AFAP1: variants seen among roughly 807,000 people sequenced by gnomAD.
AFAP1 encodes actin filament associated protein 1, also known as actin filament-associated protein 1.
AFAP1 carries 75 observed loss-of-function variants against 93.9 expected under a neutral mutation model. The ratio of observed to expected loss-of-function variants is 0.80; its 90% confidence interval spans 0.66 to 0.97. The LOEUF is 0.97. Ranked by LOEUF, AFAP1 falls within the 50% of genes least tolerant of loss-of-function variation. AFAP1 has a pLI of 0.00. For synonymous variants in AFAP1, 517 were observed against 430.7 expected (o/e 1.20, Z -2.48); for missense variants, 1,201 against 1,050.8 (o/e 1.14, Z -1.98).
intron 1 of AFAP1, among the ~76,000 whole-genome samples, chr4:7,883,564 C>G (rs1182980285): frequency 2.6e-5 from 4 of 152,052 alleles, no homozygotes; most frequent in Non-Finnish European, 5.9e-5. Context: ...AGAAAACAAT[C>G]AGAAACTTAA....
At chr4:7,782,828 T>C (rs1311304153) in intron 12 of AFAP1, among the ~76,000 whole-genome samples, 1 of 152,242 alleles carries the variant, frequency 6.6e-6, no homozygotes, top group Non-Finnish European at 1.5e-5. Flanking sequence ...CACTTCAATG[T>C]GTCTATTTTT....
At position 7,838,659 on chromosome 4, in the gene AFAP1, T is replaced by G. The variant is rs765843389; in HGVS notation, c.591A>C (p.Pro197=). The G allele has an allele frequency of 1.2e-6, 2 of 1,613,886 alleles. No individual in the cohort carries two copies. Among genetic ancestry groups the G allele is most frequent in the African/African-American group, 2.7e-5 (2 of 74,856 alleles). Residue 197 remains proline (P), a synonymous_variant, in exon 6 of 18, where the codon CCA becomes CCC. Transcript: ENST00000420658. ...SKDQQPQMEL[P]LQGCNITYIP... ...TGTACGTAATGTTACAGCCTTGGAG[T>G]GGCAGTTCCATCTGAGGCTGCTGGT...
intron 17 of AFAP1, among the ~76,000 whole-genome samples, chr4:7,765,138 T>G (rs1373773444): frequency 6.6e-6 from 1 of 152,150 alleles, no homozygotes; most frequent in Admixed American, 6.5e-5. Context: ...GACAGAGGCT[T>G]AATGACTTGC....
chr4:7,875,297 G>C (rs569096776), intron 1 of AFAP1, among the ~76,000 whole-genome samples: 97 of 152,344 alleles, frequency 6.4e-4, no homozygotes, highest in African/African-American at 2.1e-3. Flanking sequence ...AAGCGGGAGA[G>C]AAATGGTAAA....
chr4:7,896,445 C>T (rs77087991), intron 1 of AFAP1, among the ~76,000 whole-genome samples: 19,180 of 152,038 alleles, frequency 0.13, 1,411 homozygotes, highest in Non-Finnish European at 0.17. Flanking sequence ...CCTACTCCCT[C>T]CCCAACCCCA....
chr4:7,761,956 A>G lies in AFAP1; in HGVS notation c.*1809T>C, dbSNP rs1713865025. The G allele has an allele frequency of 6.6e-6, 1 of 152,310 alleles. No individual in the cohort carries two copies. The highest frequency in any genetic ancestry group is 2.4e-5 in the African/African-American group (1 of 41,436). 9.4% of individuals were successfully genotyped at this position (152,310 alleles called of 1,614,324 possible). A position where few individuals can be genotyped will look rare whatever the true frequency, so the allele number is the denominator to read the frequency against. ...ACGGATGCTGGTGTGATGGGCCTCC[A>G]CGGACTAGGCCGGGAGGAACGTGCA... On this transcript the variant is annotated 3_prime_UTR_variant, in exon 18 of 18. Transcript: ENST00000420658.
intron 1 of AFAP1, among the ~76,000 whole-genome samples, chr4:7,933,789 T>C (rs1721232990): frequency 6.6e-6 from 1 of 152,102 alleles, no homozygotes; most frequent in African/African-American, 2.4e-5. Flanking sequence ...CAAGGAACTA[T>C]ATTTGGCCAA....
chr4:7,797,723 T>C (rs1231325107), intron 10 of AFAP1, among the ~76,000 whole-genome samples: 1 of 152,212 alleles, frequency 6.6e-6, no homozygotes, highest in Non-Finnish European at 1.5e-5. Context: ...CAGACCAGCA[T>C]GCTGTATGCA....
At chr4:7,780,070 C>T (rs994793351) in intron 13 of AFAP1, among the ~76,000 whole-genome samples, 10 of 152,170 alleles carry the variant, frequency 6.6e-5, no homozygotes, top group Non-Finnish European at 1.5e-4. Flanking sequence ...TTACCTAAGG[C>T]AACTCTAATG....
At chr4:7,777,737 C>T (rs900887550) in intron 14 of AFAP1, 13 of 152,244 alleles carry the variant, frequency 8.5e-5, no homozygotes, top group African/African-American at 2.7e-4. Context: ...CTCCCACCTT[C>T]TTTCTCTGGG....
At chr4:7,879,717 T>TTTTTTTTTTTTTTTTTG (rs1354591178) in intron 1 of AFAP1, among the ~76,000 whole-genome samples, 1 of 149,138 alleles carries the variant, frequency 6.7e-6, no homozygotes, top group African/African-American at 2.5e-5. Context: ...TTTTTTTTTT[T>TTTTTTTTTTTTTTTTTG]GTGAGACAGG....
rs553472278 is a variant in AFAP1, at chr4:7,789,189, G to C, written c.1413-2878C>G. Among the ~76,000 whole-genome samples, 244 of 152,246 alleles carry C rather than the reference G, an allele frequency of 1.6e-3. 1 individual carries two copies. Among genetic ancestry groups the C allele is most frequent in the African/African-American group, 5.7e-3 (237 of 41,532 alleles). ...GCCTGAGGTCGCAACTAAACACGAG[G>C]CCTCGGTCTTGTGCTTGGTGTCTTT... On this transcript the variant is annotated intron_variant, in intron 11 of 17. Coordinates refer to ENST00000420658, the MANE Select transcript of AFAP1 (RefSeq NM_001134647.2).
intron 1 of AFAP1, among the ~76,000 whole-genome samples, chr4:7,932,803 T>C (rs147029355): frequency 0.025 from 3,748 of 151,892 alleles, 144 homozygotes; most frequent in African/African-American, 0.084. Context: ...CGGCAGATCA[T>C]AAGGTCAGGA....
chr4:7,852,368 TG>T (rs1322308434), intron 4 of AFAP1, among the ~76,000 whole-genome samples: 1 of 152,212 alleles, frequency 6.6e-6, no homozygotes, highest in East Asian at 1.9e-4. Flanking sequence ...AGCTGCCACC[TG>T]GCCACACTGG....
chr4:7,843,533 A>G (rs1713312638), intron 4 of AFAP1, among the ~76,000 whole-genome samples, 183 bp from the exon 5 acceptor site: 1 of 152,250 alleles, frequency 6.6e-6, no homozygotes, highest in African/African-American at 2.4e-5. Flanking sequence ...AGACTTGGGC[A>G]GTGGAAACTC....
At chr4:7,916,017 ACT>A (rs201689649) in intron 1 of AFAP1, among the ~76,000 whole-genome samples, 82,431 of 151,830 alleles carry the variant, frequency 0.54, 24,646 homozygotes, top group East Asian at 0.83. Flanking sequence ...CGGCCTCCTC[ACT>A]TACGCAATCA....
At chr4:7,797,964 G>T (rs2149023241) in intron 10 of AFAP1, among the ~76,000 whole-genome samples, 1 of 152,330 alleles carries the variant, frequency 6.6e-6, no homozygotes, top group South Asian at 2.1e-4. Context: ...TGGTGGATAT[G>T]GGTGAAGGGC....
At chr4:7,787,569 A>G (rs1337036545) in intron 11 of AFAP1, among the ~76,000 whole-genome samples, 1 of 152,160 alleles carries the variant, frequency 6.6e-6, no homozygotes, top group African/African-American at 2.4e-5. Context: ...GGTTGAGTTC[A>G]TGTATTAGGA....
At chr4:7,832,839 A>G (rs1711794698) in intron 6 of AFAP1, among the ~76,000 whole-genome samples, 1 of 152,226 alleles carries the variant, frequency 6.6e-6, no homozygotes, top group Admixed American at 6.5e-5. Flanking sequence ...GGAACAGAAT[A>G]GAGAACCCAA....
Sources: gnomAD v4.1 joint callset for allele counts (sites outside exome capture counted in the v4.1 genomes callset) on GRCh38, gnomAD v4.1.1 for gene constraint, MANE v1.5 for transcripts, NCBI Gene and HGNC (gene_info 2026-07-23, HGNC 2026-07-21) for gene names.